MAPK8IP3: variants seen among roughly 807,000 people sequenced by gnomAD.
MAPK8IP3 encodes the protein C-Jun-amino-terminal kinase-interacting protein 3.
Under a neutral mutation model 157.8 loss-of-function variants are expected in MAPK8IP3, and 49 were observed. The ratio of observed to expected loss-of-function variants is 0.31; its 90% confidence interval spans 0.25 to 0.39. The LOEUF (loss-of-function observed/expected upper bound fraction) is 0.39, where lower values mean the gene tolerates loss of function less well. Among genes scored for constraint, MAPK8IP3 ranks in the 10% least tolerant of loss-of-function variants. MAPK8IP3 has a pLI of 1.00. For synonymous variants in MAPK8IP3, 897 were observed against 777.7 expected, an observed-to-expected ratio of 1.15 and a Z score of -2.55; for missense variants, 1,478 against 1,889.4, an observed-to-expected ratio of 0.78 and a Z score of 4.04.
intron 4 of MAPK8IP3, among the ~76,000 whole-genome samples, chr16:1,737,286 GTGTGAC>G (rs2040028307): frequency 1.0e-5 from 1 of 99,934 alleles, no homozygotes; most frequent in Non-Finnish European, 1.9e-5. Flanking sequence ...GTCCGTGTGA[GTGTGAC>G]CATCCATGTG....
intron 13 of MAPK8IP3, 71 bp downstream of exon 13, chr16:1,761,376 T>C: frequency 7.5e-7 from 1 of 1,325,316 alleles, no homozygotes; most frequent in Non-Finnish European, 1.1e-6. Context: ...GCGGCCACCG[T>C]TCACCATTCA....
At position 1,741,567 on chromosome 16, in the gene MAPK8IP3, G is replaced by T. The variant is rs553875314; in HGVS notation, c.603-1765G>T. ...TAGGGACTGAGACGTGTCTGATGGC[G>T]TCAGAACTGGGCCTCAGCAGAGGCG... is the stretch of plus-strand genomic sequence containing the variant. On this transcript the variant is annotated intron_variant, in intron 4 of 31. Transcript: ENST00000610761. This position sits in a 1 kb window ranked among gnomAD's most constrained non-coding sequence, Gnocchi z 6.9. Among the ~76,000 whole-genome samples the T allele has an allele frequency of 6.6e-6, 1 of 152,148 alleles. No individual in the cohort carries two copies. Among genetic ancestry groups the T allele is most frequent in the Non-Finnish European group, 1.5e-5 (1 of 68,000 alleles).
At position 1,766,823 on chromosome 16, in the gene MAPK8IP3, GGGCCGGGC is replaced by G; in HGVS notation, c.3020+24_3020+31del. 1 of 1,612,574 alleles carries G rather than the reference GGGCCGGGC, an allele frequency of 6.2e-7. No homozygotes were observed. The highest frequency in any genetic ancestry group is 1.1e-5 in the South Asian group (1 of 91,090). On this transcript the variant is annotated intron_variant, in intron 24 of 31. Transcript: ENST00000610761. Reference sequence around the variant, plus strand: ...CCTGGTGTGGGTGACCCCAGACCGAGGGCCGGGCGGCGCGGGGGAACGGGGCGGAGGGG... The same window carrying G: ...CCTGGTGTGGGTGACCCCAGACCGAGGGCGCGGGGGAACGGGGCGGAGGGG...
intron 1 of MAPK8IP3, among the ~76,000 whole-genome samples, chr16:1,721,443 CTT>C (rs542082140): frequency 1.2e-4 from 18 of 151,192 alleles, no homozygotes; most frequent in Admixed American, 1.2e-3. Flanking sequence ...TCTACAAAAC[CTT>C]TTTTTTTAGA....
chr16:1,727,367 G>A (rs903056311), intron 2 of MAPK8IP3, among the ~76,000 whole-genome samples: 8 of 152,216 alleles, frequency 5.3e-5, no homozygotes, highest in South Asian at 2.1e-4. Context: ...TCTGTGAGCC[G>A]TGTGTTATTT....
chr16:1,722,809 A>G (rs1255030576), intron 1 of MAPK8IP3, among the ~76,000 whole-genome samples: 1 of 151,728 alleles, frequency 6.6e-6, no homozygotes, highest in African/African-American at 2.4e-5. Context: ...GGTTCACGCC[A>G]TTCTGCCTCA....
rs1282913694 is a variant in MAPK8IP3, at chr16:1,737,804, C to G, written c.603-5528C>G. On this transcript the variant is annotated intron_variant, in intron 4 of 31. Transcript: ENST00000610761. The stretch of plus-strand genomic sequence containing the variant: ...ACCATCCATGTGAGCATCCATGTGA[C>G]CGTCCGTGTGAGCGTCCGTGTGAGC... Among the ~76,000 whole-genome samples, 5 of 79,876 alleles carry G rather than the reference C, an allele frequency of 6.3e-5. 1 individual carries two copies. The highest frequency in any genetic ancestry group is 1.1e-4 in the African/African-American group (2 of 18,124). 52.4% of individuals were successfully genotyped at this position (79,876 alleles called of 152,430 possible).
At chr16:1,766,994 G>T (rs1322001855) in intron 25 of MAPK8IP3, 23 bp downstream of exon 25, 6 of 1,574,522 alleles carry the variant, frequency 3.8e-6, no homozygotes, top group Non-Finnish European at 4.3e-6. Flanking sequence ...AGCACGGGGT[G>T]TGTGGGTGGC....
Position 1,729,624 on chromosome 16 carries a change from C to A in MAPK8IP3, c.602+46C>A, listed in dbSNP as rs368507697. The A allele has an allele frequency of 9.8e-6, 15 of 1,524,106 alleles. 1 individual carries two copies. The South Asian group carries it at 1.7e-4, about 17-fold the overall frequency. The allele number at this position is 1,524,106 out of a possible 1,614,324, so 94.4% of individuals were successfully genotyped here. On this transcript the variant is annotated intron_variant, in intron 4 of 31. Coordinates refer to ENST00000610761, the MANE Select transcript of MAPK8IP3 (RefSeq NM_001318852.2). ...TGGAGGTACGCGGGGCGCGGCGGGGCGGAGGTACGCAGGACGCGGCACATG... is the reference window on the plus strand; with the variant it reads ...TGGAGGTACGCGGGGCGCGGCGGGGAGGAGGTACGCAGGACGCGGCACATG...
At chr16:1,736,897 TGTGACCGTCTGTGTGA>T in intron 4 of MAPK8IP3, among the ~76,000 whole-genome samples, 1 of 17,034 alleles carries the variant, frequency 5.9e-5, no homozygotes, top group Admixed American at 9.0e-4. Context: ...ACCGTCCGTG[TGTGACCGTCTGTGTGA>T]GTGACCATCC....
At chr16:1,714,768 C>A (rs933363782) in intron 1 of MAPK8IP3, among the ~76,000 whole-genome samples, 1 of 152,114 alleles carries the variant, frequency 6.6e-6, no homozygotes, top group Non-Finnish European at 1.5e-5. Flanking sequence ...AGCAGGGACC[C>A]TTTGGCTACT....
At chr16:1,752,203 T>A (rs1418752572) in intron 8 of MAPK8IP3, 2 of 163,054 alleles carry the variant, frequency 1.2e-5, no homozygotes, top group African/African-American at 4.8e-5. Flanking sequence ...GGAGTCTGCT[T>A]TCCCACGAGA....
In MAPK8IP3 at chr16:1,765,150, G is replaced by A. The variant is rs747063994; in HGVS notation, c.2418G>A (p.Ala806=). 188 of 1,606,352 alleles carry A rather than the reference G, an allele frequency of 1.2e-4. No individual in the cohort carries two copies. In the Admixed American group the frequency reaches 2.0e-3, roughly 17 times the overall value. The change falls in exon 20 of 32, where the codon GCG becomes GCA. Residue 806 remains alanine (A), a synonymous_variant. Transcript: ENST00000610761. ...TGGACCAGTTCACCGTCTGCAACGC[G>A]CACGTGCTGTGCATCTCCAGCATCC... ...TVVDQFTVCN[A]HVLCISSIPA...
Position 1,763,723 on chromosome 16 carries a change from G to C in MAPK8IP3, c.1965G>C (p.Val655=). 1 of 1,596,254 alleles carries C rather than the reference G, an allele frequency of 6.3e-7. No individual in the cohort carries two copies. Among genetic ancestry groups the C allele is most frequent in the Non-Finnish European group, 8.5e-7 (1 of 1,170,298 alleles). ...AGTACCGCCAGGTGCGTGAGCACGT[G>C]CGTAACGACGACGGCCGTCTGCAGG... The part of the protein sequence containing the change: ...REQYRQVREH[V]RNDDGRLQAC... The change falls in exon 17 of 32, where the codon GTG becomes GTC. Residue 655 remains valine (V), a synonymous_variant. Transcript: ENST00000610761.
At chr16:1,765,876 T>G in intron 20 of MAPK8IP3, 84 bp from the exon 21 acceptor site, 1 of 1,301,434 alleles carries the variant, frequency 7.7e-7, no homozygotes, top group Non-Finnish European at 1.1e-6. Context: ...AGCCCCGGCT[T>G]CCTCTGCCCC....
intron 1 of MAPK8IP3, chr16:1,707,880 T>C (rs1389523971): frequency 3.9e-5 from 6 of 152,230 alleles, no homozygotes; most frequent in Non-Finnish European, 8.8e-5. Flanking sequence ...AATAGGAAAA[T>C]AAAAGATTGT....
At chr16:1,722,017 G>A (rs943591745) in intron 1 of MAPK8IP3, among the ~76,000 whole-genome samples, 3 of 151,988 alleles carry the variant, frequency 2.0e-5, no homozygotes, top group South Asian at 2.1e-4. Flanking sequence ...CATCCCCCCC[G>A]CCTCGGCCTC....
rs1178247283 is a variant in MAPK8IP3, at chr16:1,748,645, G to A, written c.1141G>A (p.Asp381Asn). Residue 381 changes from aspartate (D) to asparagine (N), a missense_variant, in exon 8 of 32, where the codon GAC (aspartate) becomes AAC (asparagine). Around this residue, in one of 11 missense-constraint regions of MAPK8IP3, gnomAD observed 315 missense variants for 394.4 expected, o/e 0.80. Coordinates refer to ENST00000610761, the MANE Select transcript of MAPK8IP3 (RefSeq NM_001318852.2). ...GAACAAAGCTTTCGGCATCAACACC[G>A]ACTCCCTGTACCATGAGCTGTCGAC... is the stretch of plus-strand genomic sequence containing the variant. ...IVNKAFGINT[D>N]SLYHELSTAG... is the part of the protein sequence containing the mutation. 4 of 1,614,038 alleles carry A rather than the reference G, an allele frequency of 2.5e-6. No homozygotes were observed. Among genetic ancestry groups the A allele is most frequent in the African/African-American group, 2.7e-5 (2 of 74,936 alleles).
intron 4 of MAPK8IP3, among the ~76,000 whole-genome samples, chr16:1,729,841 G>A (rs2039179051): frequency 6.6e-6 from 1 of 152,036 alleles, no homozygotes; most frequent in Non-Finnish European, 1.5e-5. Flanking sequence ...GGGAGGCCCC[G>A]GGCAGCTTGC....
Sources: allele counts gnomAD v4.1 joint callset (sites outside exome capture counted in the v4.1 genomes callset), GRCh38; gene constraint gnomAD v4.1.1; regional missense constraint gnomAD v4.1.1; non-coding constraint Gnocchi (gnomAD v3.1); transcripts MANE v1.5; gene names NCBI Gene and HGNC (gene_info 2026-07-23, HGNC 2026-07-21).